The following PNKD variants were observed in gnomAD, a reference collection of about 807,000 sequenced individuals.
PNKD encodes the protein PNKD metallo-beta-lactamase domain containing.
PNKD carries 36 observed loss-of-function variants against 45.3 expected under a neutral mutation model. The observed-to-expected ratio is 0.80, with a 90% CI of 0.61 to 1.05. PNKD has a LOEUF of 1.05. PNKD is among the 50% of genes least tolerant of loss of function. The pLI is 0.00. For synonymous variants in PNKD, 197 were observed against 210.1 expected, an observed-to-expected ratio of 0.94 and a Z score of 0.54; for missense variants, 511 against 506.6, an observed-to-expected ratio of 1.01 and a Z score of -0.08.
chr2:218,280,241 T>C (rs1691751634), intron 2 of PNKD: 2 of 760,156 alleles, frequency 2.6e-6, no homozygotes, highest in South Asian at 1.6e-5. Flanking sequence ...ACAAGTGTTA[T>C]AACAGGAACT....
intron 2 of PNKD, chr2:218,276,053 AG>A: frequency 6.2e-7 from 1 of 1,613,216 alleles, no homozygotes; most frequent in Non-Finnish European, 8.5e-7. Context: ...CCCCCAGAGC[AG>A]CATAGAGCAT....
chr2:218,334,616 C>T (rs1463507018), intron 2 of PNKD: 39 of 686,338 alleles, frequency 5.7e-5, no homozygotes, highest in East Asian at 1.9e-4. Flanking sequence ...ATCACATCAC[C>T]GCACTCTTGA....
intron 2 of PNKD, among the ~76,000 whole-genome samples, chr2:218,320,347 C>T (rs544837650): frequency 6.6e-6 from 1 of 152,330 alleles, no homozygotes; most frequent in South Asian, 2.1e-4. Context: ...GCATATCCAT[C>T]ACCTCAAACA....
At chr2:218,334,281 T>G (rs10932777) in intron 2 of PNKD, among the ~76,000 whole-genome samples, 1,776 of 152,038 alleles carry the variant, frequency 0.012, 33 homozygotes, top group African/African-American at 0.04. Context: ...CTATGAAGTA[T>G]TCTCAGAGCT....
chr2:218,271,396 C>G lies in PNKD; in HGVS notation c.83C>G (p.Ala28Gly), dbSNP rs767828489. ...ARVLRGILAG[A>G]TANKASHNRT... ...CCATCCACAGGGATTCTCGCAGGAGCCACAGCTAACAAGGCTTCTCATAAC... is the reference window on the plus strand; with the variant it reads ...CCATCCACAGGGATTCTCGCAGGAGGCACAGCTAACAAGGCTTCTCATAAC... Residue 28 changes from alanine (A) to glycine (G), a missense_variant, in exon 2 of 10, where the codon GCC becomes GGC. Physicochemically the swap from Ala to Gly is moderately conservative, Grantham distance 60. Transcript: ENST00000273077. 24 of 1,613,708 alleles carry G rather than the reference C, an allele frequency of 1.5e-5. No homozygotes were observed. The highest frequency in any genetic ancestry group is 2.0e-5 in the Non-Finnish European group (24 of 1,179,724).
intron 1 of PNKD, 104 bp downstream of exon 1, chr2:218,270,706 A>G (rs1022538323): frequency 1.0e-4 from 43 of 428,400 alleles, no homozygotes; most frequent in Non-Finnish European, 3.0e-5. Context: ...TCCTCCCCAC[A>G]CTTTTCTGCA....
At chr2:218,293,654 CG>C (rs1446781708) in intron 2 of PNKD, among the ~76,000 whole-genome samples, 4 of 145,720 alleles carry the variant, frequency 2.7e-5, no homozygotes, top group African/African-American at 1.0e-4. Context: ...GGCGCCATCT[CG>C]GCTCACTGCA....
intron 5 of PNKD, 45 bp from the exon 6 acceptor site, chr2:218,341,489 A>G: frequency 7.9e-7 from 1 of 1,266,976 alleles, no homozygotes. Flanking sequence ...GGGCTTAGGT[A>G]CAGTTGCCCC....
At chr2:218,331,991 C>T (rs908222665) in intron 2 of PNKD, among the ~76,000 whole-genome samples, 2 of 152,068 alleles carry the variant, frequency 1.3e-5, no homozygotes, top group South Asian at 2.1e-4. Context: ...CTTGGGAGCA[C>T]GGGATTATCA....
chr2:218,295,205 G>GT (rs1244779294), intron 2 of PNKD, among the ~76,000 whole-genome samples: 2 of 152,172 alleles, frequency 1.3e-5, no homozygotes, highest in Non-Finnish European at 2.9e-5. Flanking sequence ...GATAAATGAT[G>GT]TTTTTTTCTC....
intron 2 of PNKD, chr2:218,323,069 C>A (rs982385174): frequency 6.8e-6 from 6 of 888,692 alleles, no homozygotes; most frequent in Admixed American, 4.5e-5. Flanking sequence ...AGGCCGCCCC[C>A]CAAGCCGGGT....
At chr2:218,336,354 T>G (rs1017438427) in intron 2 of PNKD, among the ~76,000 whole-genome samples, 3 of 152,210 alleles carry the variant, frequency 2.0e-5, no homozygotes, top group African/African-American at 7.2e-5. Flanking sequence ...GCATTTAAAT[T>G]ATTAGCAGGA....
chr2:218,279,196 C>A, intron 2 of PNKD: 1 of 1,571,076 alleles, frequency 6.4e-7, no homozygotes, highest in Non-Finnish European at 8.7e-7. Flanking sequence ...CCATGGTCAC[C>A]CTGAGAGCAG....
chr2:218,281,297 G>A (rs748963914), intron 2 of PNKD, among the ~76,000 whole-genome samples: 7 of 151,832 alleles, frequency 4.6e-5, no homozygotes, highest in Admixed American at 1.3e-4. Flanking sequence ...CACCACACCC[G>A]GCTAAGTTTT....
intron 2 of PNKD, among the ~76,000 whole-genome samples, chr2:218,315,031 T>TCTTC (rs1693745587): frequency 1.5e-3 from 2 of 1,332 alleles, no homozygotes; most frequent in African/African-American, 1.9e-3. Flanking sequence ...TTTCTTTCTT[T>TCTTC]CTTTCTTTTT....
At position 218,323,454 on chromosome 2, in the gene PNKD, G is replaced by C. The variant is rs773287526; in HGVS notation, c.237-16329G>C. ...CGGGTTAGTGCCCGGGCTCCGAAGCGTGCGGGCTCGGGAGGCGGGCGCGCT... is the reference window on the plus strand; with the variant it reads ...CGGGTTAGTGCCCGGGCTCCGAAGCCTGCGGGCTCGGGAGGCGGGCGCGCT... On this transcript the variant is annotated intron_variant, in intron 2 of 9. Transcript: ENST00000273077. The C allele has an allele frequency of 1.8e-5, 28 of 1,522,124 alleles. No homozygotes were observed. The South Asian group carries it at 2.7e-4, about 14-fold the overall frequency. The allele number at this position is 1,522,124 out of a possible 1,614,324, so 94.3% of individuals were successfully genotyped here.
At position 218,276,043 on chromosome 2, in the gene PNKD, C is replaced by A. The variant is rs776955799; in HGVS notation, c.236+4494C>A. 1.2e-6 allele frequency: 2 copies of A among 1,612,672 alleles called. No homozygotes were observed. The highest frequency in any genetic ancestry group is 1.7e-6 in the Non-Finnish European group (2 of 1,179,480). On this transcript the variant is annotated intron_variant, in intron 2 of 9. Coordinates refer to ENST00000273077, the MANE Select transcript of PNKD (RefSeq NM_015488.5). ...GGACTTACCAGGGTGAAACAAATGG[C>A]CCCCAGAGCAGCATAGAGCATGTGG... is the stretch of plus-strand genomic sequence containing the variant.
chr2:218,317,947 T>G (rs963495938), intron 2 of PNKD: 2 of 152,272 alleles, frequency 1.3e-5, no homozygotes, highest in African/African-American at 4.8e-5. Context: ...TCTCTAACAT[T>G]TAAACAGCTC....
At chr2:218,323,095 T>G in intron 2 of PNKD, 3 of 1,127,714 alleles carry the variant, frequency 2.7e-6, no homozygotes, top group Non-Finnish European at 3.4e-6. Context: ...TCGGGGTGCT[T>G]GCCCGGCTGG....
Sources: allele counts gnomAD v4.1 joint callset (sites outside exome capture counted in the v4.1 genomes callset), GRCh38; gene constraint gnomAD v4.1.1; transcripts MANE v1.5; gene names NCBI Gene and HGNC (gene_info 2026-07-23, HGNC 2026-07-21).